PCDHGB7: variants seen among roughly 807,000 people sequenced by gnomAD.
The protein encoded by PCDHGB7 is protocadherin gamma subfamily B, 7.
PCDHGB7 carries 37 observed loss-of-function variants against 61.4 expected under a neutral mutation model. The observed-to-expected ratio is 0.60, with a 90% CI of 0.46 to 0.79. The LOEUF is 0.79. Among genes scored for constraint, PCDHGB7 ranks in the 30% least tolerant of loss-of-function variants. The pLI, the probability that PCDHGB7 is intolerant of heterozygous loss-of-function variation, is 0.00. For missense variants in PCDHGB7, 1,166 were observed against 1,202.5 expected, an observed-to-expected ratio of 0.97 and a Z score of 0.45; for synonymous variants, 464 against 503.5, an observed-to-expected ratio of 0.92 and a Z score of 1.05.
chr5:141,455,104 G>A (rs2098813087), intron 1 of PCDHGB7, among the ~76,000 whole-genome samples: 1 of 151,888 alleles, frequency 6.6e-6, no homozygotes, highest in East Asian at 1.9e-4. Flanking sequence ...GAGCCACTGC[G>A]CCCGGTGGGT....
chr5:141,510,817 T>C, intron 3 of PCDHGB7, 130 bp from the exon 4 acceptor site: 2 of 1,551,592 alleles, frequency 1.3e-6, no homozygotes, highest in African/African-American at 2.7e-5. Flanking sequence ...GTGACCCCTA[T>C]ATTCCCAGTG....
At chr5:141,495,804 T>G (rs894259635) in intron 2 of PCDHGB7, among the ~76,000 whole-genome samples, 1 of 152,168 alleles carries the variant, frequency 6.6e-6, no homozygotes, top group South Asian at 2.1e-4. Flanking sequence ...TTTCACCGTT[T>G]CCTAGCGCCT....
chr5:141,439,673 C>G (rs1468476569), intron 1 of PCDHGB7, among the ~76,000 whole-genome samples: 1 of 152,174 alleles, frequency 6.6e-6, no homozygotes, highest in Non-Finnish European at 1.5e-5. Flanking sequence ...AATGCAAATC[C>G]AAGAGCAGAC....
intron 2 of PCDHGB7, among the ~76,000 whole-genome samples, chr5:141,504,128 G>A (rs914138294): frequency 2.6e-5 from 4 of 151,992 alleles, no homozygotes; most frequent in African/African-American, 9.7e-5. Context: ...GCTGTTTCCC[G>A]CCAACACTCC....
Position 141,489,819 on chromosome 5 carries a change from G to T in PCDHGB7, c.2416-4988G>T. On this transcript the variant is annotated intron_variant, in intron 1 of 3. Transcript: ENST00000398594. This position sits in a 1 kb window ranked among gnomAD's most constrained non-coding sequence, Gnocchi z 4.5. ...TAAAAGATGGGAAGCCATTCCCAGA[G>T]CTGGTGCTAGAGCAGCAGCTGGATC... 6.2e-7 allele frequency: 1 copy of T among 1,614,190 alleles called. No homozygotes were observed.
Position 141,491,793 on chromosome 5 carries a change from C to T in PCDHGB7, c.2416-3014C>T, listed in dbSNP as rs2099730341. 4.0e-6 allele frequency: 6 copies of T among 1,511,410 alleles called. No individual in the cohort carries two copies. Among genetic ancestry groups the T allele is most frequent in the East Asian group, 2.5e-5 (1 of 40,660 alleles). The allele number at this position is 1,511,410 out of a possible 1,614,324, so 93.6% of individuals were successfully genotyped here. A position where few individuals can be genotyped will look rare whatever the true frequency, so the allele number is the denominator to read the frequency against. On this transcript the variant is annotated intron_variant, in intron 1 of 3. Transcript: ENST00000398594. This position sits in a 1 kb window ranked among gnomAD's most constrained non-coding sequence, Gnocchi z 6.9. ...AGGGATTGAACTTGCATCCACTCCT[C>T]TCCGGCCGGCTTGGTCGCTGGCTGC...
intron 1 of PCDHGB7, among the ~76,000 whole-genome samples, chr5:141,467,571 A>T (rs1228156610): frequency 6.6e-6 from 1 of 152,212 alleles, no homozygotes; most frequent in African/African-American, 2.4e-5. Context: ...ATGGCTATCC[A>T]GTTGTCCCAA....
Position 141,430,867 on chromosome 5 carries a change from G to T in PCDHGB7, c.2415+10593G>T, listed in dbSNP as rs1157718106. ...GCACCCAGATACGCTATTCAGTTCC[G>T]GAAGAGCTGGAGAAAGGCTCTAGGG... On this transcript the variant is annotated intron_variant, in intron 1 of 3. Coordinates refer to ENST00000398594, the MANE Select transcript of PCDHGB7 (RefSeq NM_018927.4). 2.5e-6 allele frequency: 4 copies of T among 1,596,238 alleles called. No individual in the cohort carries two copies. In the East Asian group the frequency reaches 8.9e-5, roughly 36 times the overall value.
intron 1 of PCDHGB7, among the ~76,000 whole-genome samples, chr5:141,466,670 G>A (rs994949602): frequency 9.2e-5 from 14 of 152,046 alleles, no homozygotes; most frequent in African/African-American, 2.2e-4. Flanking sequence ...TGATTTCACC[G>A]TTCTTCCACT....
intron 2 of PCDHGB7, among the ~76,000 whole-genome samples, chr5:141,495,678 C>T (rs1340336428): frequency 6.6e-6 from 1 of 152,180 alleles, no homozygotes; most frequent in African/African-American, 2.4e-5. Context: ...CTGTGCCTGC[C>T]ATGGCATAAG....
intron 1 of PCDHGB7, among the ~76,000 whole-genome samples, chr5:141,482,875 C>T (rs2099573976): frequency 6.6e-6 from 1 of 151,958 alleles, no homozygotes; most frequent in African/African-American, 2.4e-5. Context: ...AGTTTGAAAC[C>T]AGCCTGGCCA....
In PCDHGB7 at chr5:141,505,470, C is replaced by T. The variant is rs1241228956; in HGVS notation, c.2552C>T (p.Ala851Val). Reference protein sequence around the residue: ...DTEMLQAMILASASEAADGSS... With the variant: ...DTEMLQAMILVSASEAADGSS... ...GAGATGCTGCAAGCCATGATCTTGG[C>T]GTCCGCCAGTGGTAAGTGGTGTCAG... The change falls in exon 3 of 4, where the codon GCG becomes GTG. Residue 851 changes from alanine (A) to valine (V), a missense_variant. By Grantham distance (64) the Ala-to-Val change is moderately conservative. Transcript: ENST00000398594. 2 of 1,614,068 alleles carry T rather than the reference C, an allele frequency of 1.2e-6. No individual in the cohort carries two copies. Among genetic ancestry groups the T allele is most frequent in the Non-Finnish European group, 8.5e-7 (1 of 1,180,010 alleles).
In PCDHGB7 at chr5:141,419,138, A is replaced by G. The variant is rs1590146439; in HGVS notation, c.1279A>G (p.Arg427Gly). 6.2e-7 allele frequency: 1 copy of G among 1,613,920 alleles called. No individual in the cohort carries two copies. Among genetic ancestry groups the G allele is most frequent in the Non-Finnish European group, 8.5e-7 (1 of 1,179,888 alleles). The change falls in exon 1 of 4, where the codon AGG becomes GGG. Residue 427 changes from arginine to glycine, a missense_variant. Arg to Gly is a moderately radical substitution (Grantham distance 125). Transcript: ENST00000398594. ...CAACGTCACCATCGCAGCCACAGAC[A>G]GGGGCAAGCCTCCGTTATCCTCCAG... The part of the protein sequence containing the change: ...EYNVTIAATD[R>G]GKPPLSSSKT...
chr5:141,460,995 A>ATG lies in PCDHGB7; in HGVS notation c.2416-33808_2416-33807dup, dbSNP rs1561986931. Among the ~76,000 whole-genome samples the ATG allele has an allele frequency of 5.3e-5, 8 of 150,188 alleles. No homozygotes were observed. The East Asian group carries it at 1.4e-3, about 26-fold the overall frequency. On this transcript the variant is annotated intron_variant, in intron 1 of 3. Transcript: ENST00000398594. ...TGTGTGTGTGTGTGTATATATATAT[A>ATG]TGTGTATATATATATACCACATTTT...
At position 141,432,579 on chromosome 5, in the gene PCDHGB7, G is replaced by T; in HGVS notation, c.2415+12305G>T. On this transcript the variant is annotated intron_variant, in intron 1 of 3. Coordinates refer to ENST00000398594, the MANE Select transcript of PCDHGB7 (RefSeq NM_018927.4). This position sits in a 1 kb window ranked among gnomAD's most constrained non-coding sequence, Gnocchi z 6.0. ...GGCCAGAACGCCTGGCTGTCCTACC[G>T]TCTGCTCAAGGCCAGCGAGCCGGGA... is the stretch of plus-strand genomic sequence containing the variant. 1 of 1,613,860 alleles carries T rather than the reference G, an allele frequency of 6.2e-7. No homozygotes were observed. Among genetic ancestry groups the T allele is most frequent in the Non-Finnish European group, 8.5e-7 (1 of 1,179,984 alleles).
rs2099388776 is a variant in PCDHGB7, at chr5:141,476,308, C to T, written c.2416-18499C>T. On this transcript the variant is annotated intron_variant, in intron 1 of 3. Coordinates refer to ENST00000398594, the MANE Select transcript of PCDHGB7 (RefSeq NM_018927.4). The surrounding 1 kb of genome is among the most constrained non-coding windows in gnomAD (Gnocchi z 7.6). ...TGGATCTCGGTAGCCTCTCAGCCCG[C>T]AGGTTCCGGGTGGTGTCTGGAGCTA... The T allele has an allele frequency of 1.2e-6, 2 of 1,613,750 alleles. No individual in the cohort carries two copies. The highest frequency in any genetic ancestry group is 2.7e-5 in the African/African-American group (2 of 74,806).
rs201160783 is a variant in PCDHGB7, at chr5:141,418,846, A to G, written c.987A>G (p.Thr329=). The G allele has an allele frequency of 7.4e-5, 120 of 1,613,976 alleles. No homozygotes were observed. In the East Asian group the frequency reaches 2.6e-3, roughly 34 times the overall value. The change falls in exon 1 of 4, where the codon ACA becomes ACG. Residue 329 remains threonine, a synonymous_variant. Transcript: ENST00000398594. ...IEAKDRGSLS[T]RCKVIVEVVD... Reference sequence around the variant, plus strand: ...CAAAAGACCGAGGATCTCTCTCAACACGGTGTAAAGTAATTGTAGAAGTTG... The same window carrying G: ...CAAAAGACCGAGGATCTCTCTCAACGCGGTGTAAAGTAATTGTAGAAGTTG...
In PCDHGB7 at chr5:141,510,915, A is replaced by G; in HGVS notation, c.2564-32A>G. 8 of 1,613,786 alleles carry G rather than the reference A, an allele frequency of 5.0e-6. No individual in the cohort carries two copies. The South Asian group carries it at 8.8e-5, about 18-fold the overall frequency. ...AGTGACTGTTGAGGACCCTAAGTTT[A>G]GCTCCCACCTGATCTTCCTCTGTCT... On this transcript the variant is annotated intron_variant, in intron 3 of 3. Coordinates refer to ENST00000398594, the MANE Select transcript of PCDHGB7 (RefSeq NM_018927.4).
intron 1 of PCDHGB7, among the ~76,000 whole-genome samples, chr5:141,468,216 T>C (rs2099160325): frequency 6.6e-6 from 1 of 150,794 alleles, no homozygotes. Flanking sequence ...TTCCAGCTAC[T>C]TGGGAGGATG....
Sources: allele counts gnomAD v4.1 joint callset (sites outside exome capture counted in the v4.1 genomes callset), GRCh38; gene constraint gnomAD v4.1.1; non-coding constraint Gnocchi (gnomAD v3.1); transcripts MANE v1.5; gene names NCBI Gene and HGNC (gene_info 2026-07-23, HGNC 2026-07-21).